Variants in CNTN5 observed in about 807,000 individuals in gnomAD.
CNTN5 encodes contactin-5.
In CNTN5, 77 loss-of-function variants were observed where a neutral mutation model predicts 129.1. That is an observed-to-expected ratio of 0.60 (90% CI 0.50 to 0.72). CNTN5 has a LOEUF of 0.72. Among genes scored for constraint, CNTN5 ranks in the 30% least tolerant of loss-of-function variants. The pLI, the probability that CNTN5 is intolerant of heterozygous loss-of-function variation, is 0.00. For missense variants in CNTN5, 1,478 were observed against 1,328.8 expected, an observed-to-expected ratio of 1.11 and a Z score of -1.75; for synonymous variants, 509 against 465.6, an observed-to-expected ratio of 1.09 and a Z score of -1.20.
chr11:99,961,885 C>G (rs2136190953), intron 8 of CNTN5, among the ~76,000 whole-genome samples: 1 of 152,260 alleles, frequency 6.6e-6, no homozygotes, highest in Middle Eastern at 3.4e-3. Flanking sequence ...CCCCCACACA[C>G]CTCAGTAGAG....
intron 8 of CNTN5, among the ~76,000 whole-genome samples, chr11:99,993,958 G>A (rs1158827211): frequency 1.3e-5 from 2 of 152,076 alleles, no homozygotes; most frequent in Non-Finnish European, 2.9e-5. Context: ...AAAATAATTT[G>A]AAGCCTCTTA....
intron 13 of CNTN5, among the ~76,000 whole-genome samples, chr11:100,174,150 CCA>C (rs1000922337): frequency 1.1e-4 from 16 of 152,068 alleles, no homozygotes; most frequent in Non-Finnish European, 1.9e-4. Flanking sequence ...AGGAGTAAAA[CCA>C]CTTCATCTTT....
intron 1 of CNTN5, among the ~76,000 whole-genome samples, chr11:99,255,138 T>C (rs1302097321): frequency 1.3e-5 from 2 of 151,938 alleles, no homozygotes; most frequent in Non-Finnish European, 2.9e-5. Flanking sequence ...GAGTCACCTG[T>C]GCATTACTTG....
chr11:99,419,336 G>A (rs1297463345), intron 2 of CNTN5, among the ~76,000 whole-genome samples: 1 of 152,146 alleles, frequency 6.6e-6, no homozygotes, highest in Admixed American at 6.6e-5. Flanking sequence ...TTGTCGGTTT[G>A]TTGAATGGAT....
chr11:99,950,677 T>C (rs1455601203), intron 7 of CNTN5, among the ~76,000 whole-genome samples: 1 of 152,240 alleles, frequency 6.6e-6, no homozygotes, highest in East Asian at 1.9e-4. Flanking sequence ...TTGTGCTTTA[T>C]GCTAGATAGT....
At chr11:99,566,534 C>T (rs897720131) in intron 3 of CNTN5, among the ~76,000 whole-genome samples, 5 of 151,926 alleles carry the variant, frequency 3.3e-5, no homozygotes, top group Non-Finnish European at 5.9e-5. Context: ...TTACTACTGT[C>T]GTCATTTTTT....
At chr11:99,485,915 T>G (rs932464784) in intron 2 of CNTN5, among the ~76,000 whole-genome samples, 4 of 152,032 alleles carry the variant, frequency 2.6e-5, no homozygotes, top group African/African-American at 7.2e-5. Flanking sequence ...TATAAAAACC[T>G]TTCTTTGTAA....
chr11:99,760,070 T>C (rs1306817341), intron 3 of CNTN5, among the ~76,000 whole-genome samples: 2 of 152,098 alleles, frequency 1.3e-5, no homozygotes, highest in Non-Finnish European at 2.9e-5. Flanking sequence ...GAATATGTAG[T>C]AGTGAGATGA....
At chr11:99,770,203 ATAT>A (rs1484252148) in intron 3 of CNTN5, among the ~76,000 whole-genome samples, 17 of 152,128 alleles carry the variant, frequency 1.1e-4, no homozygotes, top group African/African-American at 3.1e-4. Context: ...TTAGCATATA[ATAT>A]TAAGGTTTGC....
At chr11:99,897,261 G>C (rs774801285) in intron 6 of CNTN5, among the ~76,000 whole-genome samples, 2 of 152,064 alleles carry the variant, frequency 1.3e-5, no homozygotes, top group Non-Finnish European at 2.9e-5. Flanking sequence ...AAAAAATATT[G>C]CTAGAGGTAG....
intron 3 of CNTN5, among the ~76,000 whole-genome samples, chr11:99,754,062 T>G (rs1245544216): frequency 1.3e-5 from 2 of 152,054 alleles, no homozygotes; most frequent in African/African-American, 2.4e-5. Flanking sequence ...TGTGTGACAG[T>G]CTGAGGGTAA....
intron 2 of CNTN5, among the ~76,000 whole-genome samples, chr11:99,340,959 C>G (rs1866485223): frequency 6.6e-6 from 1 of 152,042 alleles, no homozygotes; most frequent in African/African-American, 2.4e-5. Flanking sequence ...TCTCTAATCT[C>G]CCCCATTTTG....
At position 99,549,756 on chromosome 11, in the gene CNTN5, G is replaced by A. The variant is rs201740459; in HGVS notation, c.-70-6389G>A. Among the ~76,000 whole-genome samples the A allele has an allele frequency of 5.9e-5, 9 of 152,252 alleles. No individual in the cohort carries two copies. In the East Asian group the frequency reaches 1.7e-3, roughly 29 times the overall value. ...TGTCAGAATTTATGTGGAGTCGTGA[G>A]CCATAGTTGTGTCTTTACCCTGTTC... On this transcript the variant is annotated intron_variant, in intron 2 of 24. Transcript: ENST00000524871.
chr11:99,966,953 A>C (rs1951110828), intron 8 of CNTN5, among the ~76,000 whole-genome samples: 1 of 152,156 alleles, frequency 6.6e-6, no homozygotes, highest in African/African-American at 2.4e-5. Context: ...ACTGTACAAA[A>C]TGCTGTGATA....
intron 1 of CNTN5, among the ~76,000 whole-genome samples, chr11:99,159,626 G>T (rs1049844915): frequency 2.6e-4 from 39 of 151,972 alleles, no homozygotes; most frequent in African/African-American, 9.2e-4. Flanking sequence ...TGTCTCAAAA[G>T]ATAAATAAAT....
chr11:99,908,937 C>A (rs1475801149), intron 6 of CNTN5, among the ~76,000 whole-genome samples: 1 of 151,920 alleles, frequency 6.6e-6, no homozygotes, highest in African/African-American at 2.4e-5. Flanking sequence ...AAATGGCAAG[C>A]CATAGCAAGA....
intron 3 of CNTN5, among the ~76,000 whole-genome samples, chr11:99,584,095 G>C (rs914361202): frequency 2.0e-5 from 3 of 152,154 alleles, no homozygotes; most frequent in Admixed American, 2.0e-4. Context: ...AGGAGGATGT[G>C]ATTTCTCTAC....
Position 99,474,329 on chromosome 11 carries a change from G to A in CNTN5, c.-70-81816G>A, listed in dbSNP as rs997112490. Among the ~76,000 whole-genome samples, 40 of 151,984 alleles carry A rather than the reference G, an allele frequency of 2.6e-4. 1 individual carries two copies. The highest frequency in any genetic ancestry group is 5.6e-4 in the Non-Finnish European group (38 of 67,944). On this transcript the variant is annotated intron_variant, in intron 2 of 24. Coordinates refer to ENST00000524871, the MANE Select transcript of CNTN5 (RefSeq NM_014361.4). Reference sequence around the variant, plus strand: ...CATCAAAAAAATACCCATCCTCTGCGTCTTCTTCCCCACTGATTTGAAATC... The same window carrying A: ...CATCAAAAAAATACCCATCCTCTGCATCTTCTTCCCCACTGATTTGAAATC...
chr11:99,284,603 GT>G (rs1863843430), intron 1 of CNTN5, among the ~76,000 whole-genome samples: 45 of 944 alleles, frequency 0.048, no homozygotes, highest in East Asian at 0.19. Context: ...GATGAGTGGT[GT>G]GTGTGTGTGT....
Sources: gnomAD v4.1 joint callset for allele counts (sites outside exome capture counted in the v4.1 genomes callset) on GRCh38, gnomAD v4.1.1 for gene constraint, MANE v1.5 for transcripts, NCBI Gene and HGNC (gene_info 2026-07-23, HGNC 2026-07-21) for gene names.